SHROOM3: variants seen among roughly 807,000 people sequenced by gnomAD.
SHROOM3 encodes shroom family member 3, also known as protein Shroom3.
A neutral mutation model predicts 138.6 loss-of-function variants in SHROOM3; 47 were observed. That is an observed-to-expected ratio of 0.34 (90% CI 0.27 to 0.43). The LOEUF is 0.43. Among genes scored for constraint, SHROOM3 ranks in the 20% least tolerant of loss-of-function variants. The pLI, the probability that SHROOM3 is intolerant of heterozygous loss-of-function variation, is 1.00. For synonymous variants in SHROOM3, 1,062 were observed against 1,063.3 expected (o/e 1.00, Z 0.02); for missense variants, 2,491 against 2,596.5 (o/e 0.96, Z 0.88).
chr4:76,729,358 A>T (rs1165063607), intron 3 of SHROOM3, among the ~76,000 whole-genome samples: 1 of 152,050 alleles, frequency 6.6e-6, no homozygotes, highest in Non-Finnish European at 1.5e-5. Flanking sequence ...TGGCAACTCA[A>T]GCATTAGTCC....
chr4:76,754,108 C>G (rs1721722444), intron 6 of SHROOM3, among the ~76,000 whole-genome samples: 1 of 152,146 alleles, frequency 6.6e-6, no homozygotes, highest in Admixed American at 6.5e-5. Flanking sequence ...TGACATTTTC[C>G]TGTAGGAATT....
intron 2 of SHROOM3, among the ~76,000 whole-genome samples, chr4:76,584,874 C>A (rs1451100113): frequency 1.3e-5 from 2 of 151,780 alleles, no homozygotes; most frequent in South Asian, 4.2e-4. Flanking sequence ...TACTTTTGAA[C>A]GAATGCATCT....
intron 10 of SHROOM3, among the ~76,000 whole-genome samples, chr4:76,775,947 A>T (rs1162583264): frequency 6.6e-6 from 1 of 151,582 alleles, no homozygotes; most frequent in Non-Finnish European, 1.5e-5. Flanking sequence ...TGGGTGTGCA[A>T]GTTTCTTTTC....
intron 2 of SHROOM3, among the ~76,000 whole-genome samples, chr4:76,643,341 T>C (rs1276649337): frequency 6.6e-6 from 1 of 152,130 alleles, no homozygotes; most frequent in Non-Finnish European, 1.5e-5. Context: ...GTAGTATTAT[T>C]ATTGGCCCCA....
At chr4:76,544,794 C>A (rs1168517533) in intron 1 of SHROOM3, among the ~76,000 whole-genome samples, 1 of 152,184 alleles carries the variant, frequency 6.6e-6, no homozygotes, top group Non-Finnish European at 1.5e-5. Flanking sequence ...TGTTTGCAAT[C>A]CCACAGCATA....
intron 1 of SHROOM3, among the ~76,000 whole-genome samples, chr4:76,440,199 G>A (rs1157734720): frequency 2.0e-5 from 3 of 152,136 alleles, no homozygotes; most frequent in Admixed American, 6.6e-5. Context: ...AGAGATCTAC[G>A]TGTTCACCCA....
chr4:76,460,924 T>C (rs1470006865), intron 1 of SHROOM3, among the ~76,000 whole-genome samples: 2 of 148,590 alleles, frequency 1.3e-5, no homozygotes, highest in African/African-American at 5.0e-5. Context: ...TTCTGGGAAG[T>C]CAAGGCAGTA....
intron 2 of SHROOM3, among the ~76,000 whole-genome samples, chr4:76,612,017 A>T (rs1230590308): frequency 6.6e-6 from 1 of 152,210 alleles, no homozygotes; most frequent in Admixed American, 6.5e-5. Flanking sequence ...GCTCAGACAC[A>T]GTTCTTTCTG....
intron 2 of SHROOM3, among the ~76,000 whole-genome samples, chr4:76,598,620 G>C (rs1297926745): frequency 6.6e-6 from 1 of 152,172 alleles, no homozygotes; most frequent in Non-Finnish European, 1.5e-5. Context: ...GGGAGCAGGG[G>C]CTAAAATTCA....
chr4:76,462,999 C>G (rs1731173498), intron 1 of SHROOM3, among the ~76,000 whole-genome samples: 1 of 152,012 alleles, frequency 6.6e-6, no homozygotes, highest in African/African-American at 2.4e-5. Context: ...TATAAAGATG[C>G]CTGAAAGTGT....
chr4:76,580,418 C>G (rs918918698), intron 2 of SHROOM3, among the ~76,000 whole-genome samples: 5 of 151,146 alleles, frequency 3.3e-5, no homozygotes, highest in African/African-American at 1.2e-4. Context: ...CCTATTACTA[C>G]CACTTGTTTT....
intron 1 of SHROOM3, among the ~76,000 whole-genome samples, chr4:76,501,431 C>G (rs757470482): frequency 6.6e-6 from 1 of 152,116 alleles, no homozygotes; most frequent in Non-Finnish European, 1.5e-5. Context: ...GCTAGGAGAA[C>G]CTTTTGTTCT....
rs140559558 is a variant in SHROOM3, at chr4:76,746,379, A to G, written c.3754-2638A>G. ...TTTACTGTATCTTCTCCATGTTTAGATACAAAAATACATACCATTGTATTG... is the reference window on the plus strand; with the variant it reads ...TTTACTGTATCTTCTCCATGTTTAGGTACAAAAATACATACCATTGTATTG... On this transcript the variant is annotated intron_variant, in intron 5 of 10. Transcript: ENST00000296043. Among the ~76,000 whole-genome samples, 595 of 152,320 alleles carry G rather than the reference A, an allele frequency of 3.9e-3. 3 individuals are homozygous for G. The highest frequency in any genetic ancestry group is 6.8e-3 in the Non-Finnish European group (464 of 68,024).
At chr4:76,446,076 G>A (rs1730798251) in intron 1 of SHROOM3, among the ~76,000 whole-genome samples, 1 of 152,088 alleles carries the variant, frequency 6.6e-6, no homozygotes, top group African/African-American at 2.4e-5. Context: ...TCACCGTACT[G>A]TCAGTAACTT....
At chr4:76,487,428 G>A (rs1290855576) in intron 1 of SHROOM3, among the ~76,000 whole-genome samples, 8 of 152,092 alleles carry the variant, frequency 5.3e-5, no homozygotes, top group Non-Finnish European at 1.0e-4. Flanking sequence ...TTGTTTGTGT[G>A]GACATAAGCT....
At chr4:76,557,207 A>ATATG (rs1464769760) in intron 2 of SHROOM3, among the ~76,000 whole-genome samples, 1 of 143,336 alleles carries the variant, frequency 7.0e-6, no homozygotes, top group Admixed American at 7.4e-5. Flanking sequence ...TGTGGTGTAT[A>ATATG]TATGTATATG....
At chr4:76,734,305 T>C (rs1459626743) in intron 4 of SHROOM3, among the ~76,000 whole-genome samples, 1 of 152,172 alleles carries the variant, frequency 6.6e-6, no homozygotes, top group East Asian at 1.9e-4. Flanking sequence ...TATTTCTCTT[T>C]TAGAACAACA....
chr4:76,739,024 GC>G lies in SHROOM3; in HGVS notation c.852del (p.Ser285ProfsTer15). On this transcript the variant is annotated frameshift_variant, in exon 5 of 11. Transcript: ENST00000296043. LOFTEE classifies it high-confidence loss of function. ...GGCATCTCTGGCCGGGAGCGTTCAG[GC>G]TCCATGGACAATACTTCTGCTCGAG... ...HPGISGRERSGSMDNTSARGG... is the reference protein window; with the variant it reads ...HPGISGRERSXSMDNTSARGG... The G allele has an allele frequency of 1.2e-6, 2 of 1,614,206 alleles. No homozygotes were observed. The highest frequency in any genetic ancestry group is 1.7e-6 in the Non-Finnish European group (2 of 1,180,034).
intron 2 of SHROOM3, chr4:76,709,645 A>G (rs1720169590): frequency 5.7e-6 from 1 of 174,284 alleles, no homozygotes; most frequent in Non-Finnish European, 1.2e-5. Context: ...GAAATAGCTC[A>G]AGCTCAAGAG....
Sources: gnomAD v4.1 joint callset for allele counts (sites outside exome capture counted in the v4.1 genomes callset) on GRCh38, gnomAD v4.1.1 for gene constraint, MANE v1.5 for transcripts, NCBI Gene and HGNC (gene_info 2026-07-23, HGNC 2026-07-21) for gene names.